The following EEA1 variants were observed in gnomAD, a reference collection of about 807,000 sequenced individuals.
The protein encoded by EEA1 is early endosome antigen 1.
Under a neutral mutation model 209.2 loss-of-function variants are expected in EEA1, and 111 were observed. The observed-to-expected ratio is 0.53, with a 90% confidence interval of 0.45 to 0.62. The LOEUF (loss-of-function observed/expected upper bound fraction) is 0.62, where lower values mean the gene tolerates loss of function less well. Among genes scored for constraint, EEA1 ranks in the 20% least tolerant of loss-of-function variants. The probability of loss-of-function intolerance (pLI) is 0.00; values close to 1 mark genes in which losing one functional copy is unlikely to be tolerated. For synonymous variants in EEA1, 536 were observed against 540.6 expected (o/e 0.99, Z 0.12); for missense variants, 1,343 against 1,530.8 (o/e 0.88, Z 2.05).
intron 3 of EEA1, among the ~76,000 whole-genome samples, chr12:92,862,222 G>T (rs1878185864): frequency 4.9e-5 from 1 of 20,284 alleles, no homozygotes; most frequent in Non-Finnish European, 8.3e-5. Context: ...AAACGGAAAC[G>T]CATGCAGTAA....
chr12:92,814,119 C>A (rs1170827833), intron 15 of EEA1, among the ~76,000 whole-genome samples: 2 of 152,016 alleles, frequency 1.3e-5, no homozygotes, highest in Admixed American at 1.3e-4. Flanking sequence ...GGGGTGCATT[C>A]TTTTAGCTGG....
chr12:92,869,582 TA>T (rs35759690), intron 2 of EEA1, among the ~76,000 whole-genome samples: 392 of 134,804 alleles, frequency 2.9e-3, no homozygotes, highest in Middle Eastern at 0.011. Flanking sequence ...CATCTCTACT[TA>T]AAAAAAAAAA....
At position 92,837,619 on chromosome 12, in the gene EEA1, T is replaced by C. The variant is rs147251856; in HGVS notation, c.916-4769A>G. Among the ~76,000 whole-genome samples, 81 of 152,344 alleles carry C rather than the reference T, an allele frequency of 5.3e-4. 1 individual carries two copies. Among genetic ancestry groups the C allele is most frequent in the African/African-American group, 1.8e-3 (76 of 41,584 alleles). On this transcript the variant is annotated intron_variant, in intron 10 of 28. Transcript: ENST00000322349. ...TATAAGGAAACAGTTAATTGAGCTG[T>C]TTAAATGTCAGAAGTTATTTTTGTT...
chr12:92,911,420 G>A (rs1565861171), intron 1 of EEA1, among the ~76,000 whole-genome samples: 1 of 152,156 alleles, frequency 6.6e-6, no homozygotes, highest in Non-Finnish European at 1.5e-5. Flanking sequence ...CCAATTATAT[G>A]GATTTCTGGA....
chr12:92,906,719 C>A (rs957388541), intron 1 of EEA1, among the ~76,000 whole-genome samples: 6 of 152,048 alleles, frequency 3.9e-5, no homozygotes, highest in African/African-American at 1.4e-4. Flanking sequence ...GAGGCTGAGG[C>A]AGGAGAATGG....
chr12:92,900,434 G>GT (rs532422609), intron 1 of EEA1, among the ~76,000 whole-genome samples: 460 of 144,602 alleles, frequency 3.2e-3, no homozygotes, highest in African/African-American at 9.8e-3. Context: ...TTTACTGTGT[G>GT]TTTTTTTTTT....
At position 92,783,377 on chromosome 12, in the gene EEA1, G is replaced by C. The variant is rs144244198; in HGVS notation, c.3151-1242C>G. On this transcript the variant is annotated intron_variant, in intron 22 of 28. Transcript: ENST00000322349. ...TGTGTTGATGATTGTTGTGGTGTGA[G>C]AGTAGGGGAAAAACACAATTTGAGA... 8.0e-3 allele frequency among the ~76,000 whole-genome samples: 1,213 copies of C among 152,278 alleles called. 25 individuals are homozygous for C. Among genetic ancestry groups the C allele is most frequent in the African/African-American group, 0.027 (1,117 of 41,568 alleles).
chr12:92,886,557 GGAAGGGAGGGGAGA>G lies in EEA1; in HGVS notation c.117+5058_117+5071del, dbSNP rs1336543335. 9.2e-3 allele frequency among the ~76,000 whole-genome samples: 610 copies of G among 66,126 alleles called. 7 individuals carry two copies. Among genetic ancestry groups the G allele is most frequent in the Middle Eastern group, 0.03 (3 of 100 alleles). The allele number at this position is 66,126 out of a possible 152,430, so 43.4% of individuals were successfully genotyped here. ...GGGAGGGAGAGGAGGGGAGGGAAGG[GGAAGGGAGGGGAGA>G]GAAGGGAGGGGAGGGGAGAGAAGGG... On this transcript the variant is annotated intron_variant, in intron 2 of 28. Coordinates refer to ENST00000322349, the MANE Select transcript of EEA1 (RefSeq NM_003566.4).
intron 2 of EEA1, among the ~76,000 whole-genome samples, chr12:92,890,884 G>C (rs899437430): frequency 6.6e-6 from 1 of 152,112 alleles, no homozygotes; most frequent in Admixed American, 6.6e-5. Context: ...ACAATACACA[G>C]ACTCATCAAC....
chr12:92,888,080 G>GTCT (rs1565851230), intron 2 of EEA1, among the ~76,000 whole-genome samples: 1 of 152,044 alleles, frequency 6.6e-6, no homozygotes, highest in African/African-American at 2.4e-5. Flanking sequence ...ACTAAAAGCA[G>GTCT]TCTTCTCAAC....
chr12:92,866,015 T>G (rs911063978), intron 2 of EEA1, among the ~76,000 whole-genome samples: 1 of 151,594 alleles, frequency 6.6e-6, no homozygotes, highest in Admixed American at 6.6e-5. Flanking sequence ...TCCCAAAGCA[T>G]TGGGATTACA....
intron 18 of EEA1, among the ~76,000 whole-genome samples, chr12:92,804,571 CAAAAAAA>C (rs1195692496): frequency 1.0e-4 from 5 of 47,738 alleles, no homozygotes; most frequent in Non-Finnish European, 2.4e-4. Context: ...GACTCTGTCT[CAAAAAAA>C]AAAAAAAAAA....
intron 21 of EEA1, among the ~76,000 whole-genome samples, chr12:92,793,910 G>A (rs563570500): frequency 1.4e-4 from 21 of 152,076 alleles, no homozygotes; most frequent in African/African-American, 3.1e-4. Context: ...GCTTCCGCAC[G>A]GCAAAAGAAA....
At chr12:92,844,172 C>T (rs1452929606) in intron 9 of EEA1, among the ~76,000 whole-genome samples, 2 of 151,680 alleles carry the variant, frequency 1.3e-5, no homozygotes, top group South Asian at 2.1e-4. Context: ...AGAAGGTAAG[C>T]GATTGGACTG....
At chr12:92,843,706 CTTTA>C (rs1226456249) in intron 9 of EEA1, among the ~76,000 whole-genome samples, 2 of 152,134 alleles carry the variant, frequency 1.3e-5, no homozygotes, top group African/African-American at 2.4e-5. Context: ...TTACTTTCCA[CTTTA>C]TTTATAAAGT....
intron 2 of EEA1, among the ~76,000 whole-genome samples, chr12:92,872,166 G>A (rs893530728): frequency 2.7e-5 from 4 of 150,610 alleles, no homozygotes; most frequent in Non-Finnish European, 4.4e-5. Context: ...CTCCTGCCTC[G>A]GCCTCCTGAG....
rs1053193324 is a variant in EEA1, at chr12:92,772,352, G to C, written c.*3659C>G. The C allele has an allele frequency of 6.6e-6, 1 of 151,618 alleles. No individual in the cohort carries two copies. Among genetic ancestry groups the C allele is most frequent in the Non-Finnish European group, 1.5e-5 (1 of 67,760 alleles). The allele number at this position is 151,618 out of a possible 1,614,324, so 9.4% of individuals were successfully genotyped here. ...GCATTAATAATTTCTCTTGAGATCAGGAATTTAATTACTATTCGAAATTGA... is the reference window on the plus strand; with the variant it reads ...GCATTAATAATTTCTCTTGAGATCACGAATTTAATTACTATTCGAAATTGA... On this transcript the variant is annotated 3_prime_UTR_variant, in exon 29 of 29. Transcript: ENST00000322349.
At chr12:92,799,461 A>G (rs1047487725) in intron 20 of EEA1, among the ~76,000 whole-genome samples, 2 of 152,136 alleles carry the variant, frequency 1.3e-5, no homozygotes, top group Non-Finnish European at 2.9e-5. Context: ...GTCAACATCA[A>G]TGTCTAAATT....
chr12:92,898,972 C>T (rs1375463428), intron 1 of EEA1, among the ~76,000 whole-genome samples: 2 of 145,000 alleles, frequency 1.4e-5, no homozygotes, highest in African/African-American at 5.1e-5. Flanking sequence ...AAAAAAAAAC[C>T]ACAAACATTG....
Sources: allele counts gnomAD v4.1 joint callset (sites outside exome capture counted in the v4.1 genomes callset), GRCh38; gene constraint gnomAD v4.1.1; transcripts MANE v1.5; gene names NCBI Gene and HGNC (gene_info 2026-07-23, HGNC 2026-07-21).